PITPNC1: variants seen among roughly 807,000 people sequenced by gnomAD.
PITPNC1 encodes the protein phosphatidylinositol transfer protein cytoplasmic 1, also known as cytoplasmic phosphatidylinositol transfer protein 1.
PITPNC1 carries 18 observed loss-of-function variants against 44.7 expected under a neutral mutation model. That is an observed-to-expected ratio of 0.40 (90% CI 0.28 to 0.60). The LOEUF is 0.60. PITPNC1 is among the 20% of genes least tolerant of loss of function. The probability of loss-of-function intolerance (pLI) is 0.39; values close to 1 mark genes in which losing one functional copy is unlikely to be tolerated. For missense variants in PITPNC1, 290 were observed against 418.4 expected (o/e 0.69, Z 2.68); for synonymous variants, 141 against 149.6 (o/e 0.94, Z 0.42).
chr17:67,382,338 GGTGT>G (rs112100189), intron 1 of PITPNC1, among the ~76,000 whole-genome samples: 5,707 of 146,074 alleles, frequency 0.039, 194 homozygotes, highest in African/African-American at 0.089. Context: ...GGGGTTTTTT[GGTGT>G]GTGTGTGTGT....
chr17:67,464,108 G>T (rs1034198445), intron 1 of PITPNC1, among the ~76,000 whole-genome samples: 1 of 151,896 alleles, frequency 6.6e-6, no homozygotes, highest in East Asian at 1.9e-4. Flanking sequence ...CAGGAGAATC[G>T]CTTGAACCCG....
chr17:67,683,884 G>C (rs538879444), intron 8 of PITPNC1, among the ~76,000 whole-genome samples: 1 of 151,190 alleles, frequency 6.6e-6, no homozygotes, highest in Non-Finnish European at 1.5e-5. Flanking sequence ...AGGCTGAGGC[G>C]GGAGAATCAC....
chr17:67,599,845 G>A (rs985545406), intron 5 of PITPNC1, among the ~76,000 whole-genome samples: 3 of 152,162 alleles, frequency 2.0e-5, no homozygotes, highest in African/African-American at 4.8e-5. Context: ...TCATGTTCGG[G>A]TGTATCTCCT....
intron 4 of PITPNC1, among the ~76,000 whole-genome samples, chr17:67,569,636 G>C (rs775306871): frequency 1.3e-5 from 2 of 152,140 alleles, no homozygotes; most frequent in Non-Finnish European, 2.9e-5. Flanking sequence ...CCAGATAAAA[G>C]GAAGAGGGTC....
intron 1 of PITPNC1, among the ~76,000 whole-genome samples, chr17:67,498,758 T>C (rs2039988725): frequency 6.6e-6 from 1 of 152,212 alleles, no homozygotes; most frequent in South Asian, 2.1e-4. Flanking sequence ...TGAGGTGATA[T>C]CCCATTGTGG....
At chr17:67,391,341 A>G (rs539754866) in intron 1 of PITPNC1, among the ~76,000 whole-genome samples, 7 of 151,918 alleles carry the variant, frequency 4.6e-5, no homozygotes, top group Admixed American at 1.3e-4. Context: ...CCCCCGCCCC[A>G]TGTCATCTTA....
chr17:67,414,842 G>A (rs1217497616), intron 1 of PITPNC1, among the ~76,000 whole-genome samples: 1 of 151,950 alleles, frequency 6.6e-6, no homozygotes, highest in Non-Finnish European at 1.5e-5. Flanking sequence ...GTGTTCTATA[G>A]AGTTTTTCTG....
chr17:67,385,527 GCTCTTTTGCTGTTCA>G (rs1355784422), intron 1 of PITPNC1, among the ~76,000 whole-genome samples: 17 of 148,800 alleles, frequency 1.1e-4, no homozygotes, highest in Admixed American at 1.0e-3. Flanking sequence ...TGGAAGCTTT[GCTCTTTTGCTGTTCA>G]CTCTTTTGCT....
chr17:67,606,512 A>G (rs1409034211), intron 5 of PITPNC1, among the ~76,000 whole-genome samples: 1 of 152,254 alleles, frequency 6.6e-6, no homozygotes, highest in Admixed American at 6.5e-5. Flanking sequence ...ACGTTTGCAG[A>G]TGCAGGCCTG....
rs28757813 is a variant in PITPNC1 at position 67,579,967 on chromosome 17, T to C, written c.366+1710T>C. On this transcript the variant is annotated intron_variant, in intron 5 of 8. Coordinates refer to ENST00000581322, the MANE Select transcript of PITPNC1 (RefSeq NM_012417.4). ...AAAAAAAAAAGTTAATACATGGCTA[T>C]TCAAACTTGGAGAATGCAAAAAGAA... 9.0e-3 allele frequency among the ~76,000 whole-genome samples: 1,373 copies of C among 151,906 alleles called. 12 individuals carry two copies. Among genetic ancestry groups the C allele is most frequent in the African/African-American group, 0.031 (1,280 of 41,458 alleles).
intron 6 of PITPNC1, among the ~76,000 whole-genome samples, chr17:67,652,193 A>G (rs758105730): frequency 3.3e-5 from 5 of 152,208 alleles, no homozygotes; most frequent in Admixed American, 2.0e-4. Flanking sequence ...TTAATCATGG[A>G]GACTTCATAT....
At chr17:67,434,894 A>G (rs1282686056) in intron 1 of PITPNC1, among the ~76,000 whole-genome samples, 1 of 151,840 alleles carries the variant, frequency 6.6e-6, no homozygotes, top group Admixed American at 6.6e-5. Context: ...GGATCGCCTG[A>G]GGTCAGGAGT....
chr17:67,640,145 A>C (rs1257414372), intron 6 of PITPNC1, among the ~76,000 whole-genome samples: 6 of 151,410 alleles, frequency 4.0e-5, no homozygotes. Flanking sequence ...GCTGTTTTGC[A>C]GTGGGTTCCA....
At chr17:67,428,998 C>T (rs951425989) in intron 1 of PITPNC1, among the ~76,000 whole-genome samples, 5 of 151,720 alleles carry the variant, frequency 3.3e-5, no homozygotes, top group South Asian at 2.1e-4. Context: ...AGTGCCACCA[C>T]GCCTGGCTAA....
At chr17:67,429,011 T>C (rs1394773320) in intron 1 of PITPNC1, among the ~76,000 whole-genome samples, 1 of 151,992 alleles carries the variant, frequency 6.6e-6, no homozygotes, top group African/African-American at 2.4e-5. Flanking sequence ...CTGGCTAATT[T>C]TGTATTTTTA....
At chr17:67,581,158 A>T (rs972110233) in intron 5 of PITPNC1, among the ~76,000 whole-genome samples, 2 of 152,204 alleles carry the variant, frequency 1.3e-5, no homozygotes, top group Non-Finnish European at 2.9e-5. Flanking sequence ...CCCAAAATTC[A>T]TATGGTTATT....
intron 5 of PITPNC1, among the ~76,000 whole-genome samples, chr17:67,585,619 G>C (rs1400316401): frequency 6.6e-6 from 1 of 151,988 alleles, no homozygotes; most frequent in Non-Finnish European, 1.5e-5. Context: ...CCTGAGCAAC[G>C]TGGCAAAACC....
At chr17:67,392,862 G>GCCACTTAATCCTAGCT (rs2038159155) in intron 1 of PITPNC1, among the ~76,000 whole-genome samples, 1 of 152,084 alleles carries the variant, frequency 6.6e-6, no homozygotes. Context: ...GCTTACACCT[G>GCCACTTAATCCTAGCT]TAATCCTAGC....
chr17:67,452,953 A>G (rs1233847954), intron 1 of PITPNC1, among the ~76,000 whole-genome samples: 1 of 152,068 alleles, frequency 6.6e-6, no homozygotes, highest in Non-Finnish European at 1.5e-5. Context: ...TAGCGATTCT[A>G]ATGAGTGTGT....
Sources: gnomAD v4.1 joint callset for allele counts (sites outside exome capture counted in the v4.1 genomes callset) on GRCh38, gnomAD v4.1.1 for gene constraint, MANE v1.5 for transcripts, NCBI Gene and HGNC (gene_info 2026-07-23, HGNC 2026-07-21) for gene names.